The following CAST variants were observed in gnomAD, a reference collection of about 807,000 sequenced individuals.
CAST encodes calpastatin.
CAST carries 76 observed loss-of-function variants against 119.6 expected under a neutral mutation model. The ratio of observed to expected loss-of-function variants is 0.64; its 90% CI spans 0.53 to 0.77. The LOEUF is 0.77. CAST is among the 30% of genes least tolerant of loss of function. The pLI is 0.00. For missense variants in CAST, 953 were observed against 946.5 expected, an observed-to-expected ratio of 1.01 and a Z score of -0.09; for synonymous variants, 319 against 331.6, an observed-to-expected ratio of 0.96 and a Z score of 0.41.
chr5:96,728,623 C>T (rs1374412026), intron 6 of CAST: 1 of 152,478 alleles, frequency 6.6e-6, no homozygotes, highest in African/African-American at 2.4e-5. Context: ...ACTACAGGCA[C>T]CCGCCACCAA....
At chr5:96,666,280 CACACA>C (rs1277719097) in intron 1 of CAST, among the ~76,000 whole-genome samples, 1 of 89,422 alleles carries the variant, frequency 1.1e-5, no homozygotes, top group East Asian at 4.5e-4. Context: ...ACACACACAC[CACACA>C]ACTCTGCAGA....
intron 2 of CAST, among the ~76,000 whole-genome samples, chr5:96,688,528 A>G (rs1752337359): frequency 6.6e-6 from 1 of 152,234 alleles, no homozygotes; most frequent in Non-Finnish European, 1.5e-5. Flanking sequence ...TGATATACTG[A>G]CGAAGGCATT....
chr5:96,518,585 G>A, the CAST span, among the ~76,000 whole-genome samples: 1 of 152,170 alleles, frequency 6.6e-6, no homozygotes, highest in Non-Finnish European at 1.5e-5. Context: ...AGCATCCCAT[G>A]GCCAAGCAGT....
intron 1 of CAST, among the ~76,000 whole-genome samples, chr5:96,629,771 G>A (rs900281641): frequency 6.6e-6 from 1 of 152,178 alleles, no homozygotes; most frequent in Admixed American, 6.5e-5. Flanking sequence ...CTGCTGTCTG[G>A]GAGAAATGTT....
intron 1 of CAST, among the ~76,000 whole-genome samples, chr5:96,610,830 A>G (rs1747347024): frequency 6.6e-6 from 1 of 152,206 alleles, no homozygotes; most frequent in South Asian, 2.1e-4. Flanking sequence ...GTTTCAGGGA[A>G]CAAAATCAAT....
At chr5:96,599,286 T>C (rs1302643844) in intron 1 of CAST, among the ~76,000 whole-genome samples, 1 of 152,218 alleles carries the variant, frequency 6.6e-6, no homozygotes, top group Non-Finnish European at 1.5e-5. Context: ...TGCCCCAATC[T>C]GTCCTCAGAC....
At chr5:96,545,862 C>A (rs1431166344) in intron 1 of CAST, among the ~76,000 whole-genome samples, 1 of 152,216 alleles carries the variant, frequency 6.6e-6, no homozygotes, top group Non-Finnish European at 1.5e-5. Flanking sequence ...ATTTACATGG[C>A]ATACAAATAC....
the CAST span, among the ~76,000 whole-genome samples, chr5:96,328,211 G>C: frequency 6.6e-6 from 1 of 152,182 alleles, no homozygotes; most frequent in Non-Finnish European, 1.5e-5. Context: ...CATGGCATCT[G>C]TCAGCTCCAT....
At chr5:96,582,532 G>C (rs953904246) in intron 1 of CAST, among the ~76,000 whole-genome samples, 2 of 152,194 alleles carry the variant, frequency 1.3e-5, no homozygotes, top group Non-Finnish European at 1.5e-5. Flanking sequence ...GATCGATGGA[G>C]CCTGACGCCT....
At chr5:95,962,164 T>G in the CAST span, 2 of 295,380 alleles carry the variant, frequency 6.8e-6, no homozygotes, top group East Asian at 5.6e-5. Flanking sequence ...GAAGTCCAGG[T>G]TGCCTGGTCT....
chr5:96,233,395 G>A, the CAST span, among the ~76,000 whole-genome samples: 2 of 152,004 alleles, frequency 1.3e-5, no homozygotes, highest in African/African-American at 4.8e-5. Flanking sequence ...CAAAAATGGA[G>A]TAATATTAAC....
the CAST span, among the ~76,000 whole-genome samples, chr5:96,135,886 C>T: frequency 6.6e-6 from 1 of 152,096 alleles, no homozygotes; most frequent in African/African-American, 2.4e-5. Context: ...CATGGTGAAA[C>T]CCCATCTCTA....
At chr5:96,194,672 C>T in the CAST span, among the ~76,000 whole-genome samples, 2 of 152,202 alleles carry the variant, frequency 1.3e-5, no homozygotes, top group African/African-American at 4.8e-5. Context: ...GGGACTGGAG[C>T]AGGACATGAT....
chr5:96,654,107 T>C (rs1171716616), intron 1 of CAST, among the ~76,000 whole-genome samples: 1 of 150,700 alleles, frequency 6.6e-6, no homozygotes, highest in African/African-American at 2.4e-5. Flanking sequence ...CACTGCAACC[T>C]GCGCCTCCCG....
chr5:96,100,747 A>G, the CAST span, among the ~76,000 whole-genome samples: 3 of 152,202 alleles, frequency 2.0e-5, no homozygotes, highest in African/African-American at 7.2e-5. Context: ...TCCCCCTTAG[A>G]TACCAAAGTC....
At chr5:96,286,127 G>A in the CAST span, among the ~76,000 whole-genome samples, 1 of 152,250 alleles carries the variant, frequency 6.6e-6, no homozygotes, top group African/African-American at 2.4e-5. Context: ...GTTGCCCTTG[G>A]GCATTAAGGT....
At chr5:96,159,574 T>C in the CAST span, among the ~76,000 whole-genome samples, 1 of 152,176 alleles carries the variant, frequency 6.6e-6, no homozygotes, top group African/African-American at 2.4e-5. Flanking sequence ...TACAAACATA[T>C]ACAGGCAGAT....
the CAST span, among the ~76,000 whole-genome samples, chr5:96,154,326 T>C: frequency 2.0e-5 from 3 of 151,890 alleles, no homozygotes; most frequent in African/African-American, 7.3e-5. Flanking sequence ...TGAATGAATA[T>C]TGTGATATGC....
At chr5:96,420,674 A>G in the CAST span, among the ~76,000 whole-genome samples, 3,702 of 151,578 alleles carry the variant, frequency 0.024, 148 homozygotes, top group African/African-American at 0.085. Flanking sequence ...TATCCAAAGA[A>G]AGAAATAACT....
Sources: gnomAD v4.1 joint callset for allele counts (sites outside exome capture counted in the v4.1 genomes callset) on GRCh38, gnomAD v4.1.1 for gene constraint, MANE v1.5 for transcripts, NCBI Gene and HGNC (gene_info 2026-07-23, HGNC 2026-07-21) for gene names.